Variants in FAP observed in about 807,000 individuals in gnomAD.
FAP encodes the protein fibroblast activation protein alpha.
In FAP, 110 loss-of-function variants were observed where a neutral mutation model predicts 126.5. That is an observed-to-expected ratio of 0.87 (90% confidence interval 0.74 to 1.02). The LOEUF (loss-of-function observed/expected upper bound fraction) is 1.02. Among genes scored for constraint, FAP ranks in the 50% least tolerant of loss-of-function variants. The pLI is 0.00. For missense variants in FAP, 919 were observed against 909.2 expected (o/e 1.01, Z -0.14); for synonymous variants, 334 against 297.3 (o/e 1.12, Z -1.27).
intron 25 of FAP, chr2:162,171,346 G>A (rs1156983321): frequency 6.7e-6 from 2 of 296,702 alleles, no homozygotes; most frequent in Non-Finnish European, 1.3e-5. Flanking sequence ...GGAAGATCAG[G>A]ATCAGGCATC....
At chr2:162,209,872 G>A in intron 12 of FAP, 80 bp downstream of exon 12, 1 of 1,243,316 alleles carries the variant, frequency 8.0e-7, no homozygotes, top group Non-Finnish European at 1.2e-6. Context: ...GCCAGTTTGG[G>A]TACATTGCAA....
chr2:162,225,514 T>C lies in FAP; in HGVS notation c.254A>G (p.Gln85Arg). 5.6e-6 allele frequency: 9 copies of C among 1,601,456 alleles called. No individual in the cohort carries two copies. The highest frequency in any genetic ancestry group is 7.7e-6 in the Non-Finnish European group (9 of 1,172,686). The change falls in exon 4 of 26, where the codon CAA (glutamine) becomes CGA (arginine). Residue 85 changes from glutamine to arginine, a missense_variant. Transcript: ENST00000188790. ...TCTATTACTCAAAATGGTATATGAT[T>C]GTCCTGTTTCAATATTATAAAGTAC... The part of the protein sequence containing the change: ...NIVLYNIETG[Q>R]SYTILSNRTM...
At chr2:162,220,713 C>T (rs369095195) in intron 6 of FAP, among the ~76,000 whole-genome samples, 3 of 152,224 alleles carry the variant, frequency 2.0e-5, no homozygotes, top group East Asian at 3.8e-4. Context: ...ACTCTGCAAG[C>T]ACTCAAGTGA....
rs758415457 is a variant in FAP at position 162,225,602 on chromosome 2, T to G, written c.191-25A>C. 8 of 1,565,700 alleles carry G rather than the reference T, an allele frequency of 5.1e-6. No homozygotes were observed. In the South Asian group the frequency reaches 9.4e-5, roughly 18 times the overall value. Reference sequence around the variant, plus strand: ...CCTTTAAACAAGAAAGAAAACAAAATGTAAATGATCTCTCTTAACATGAAA... The same window carrying G: ...CCTTTAAACAAGAAAGAAAACAAAAGGTAAATGATCTCTCTTAACATGAAA... On this transcript the variant is annotated intron_variant, in intron 3 of 25. Transcript: ENST00000188790.
chr2:162,186,424 G>C (rs1333525989), intron 20 of FAP, among the ~76,000 whole-genome samples: 1 of 151,988 alleles, frequency 6.6e-6, no homozygotes, highest in African/African-American at 2.4e-5. Flanking sequence ...TTTGTGTCCT[G>C]TATGTTGAAT....
chr2:162,236,249 C>T (rs181434655), intron 2 of FAP, among the ~76,000 whole-genome samples: 4 of 152,018 alleles, frequency 2.6e-5, no homozygotes, highest in African/African-American at 9.6e-5. Context: ...TAAGAGATAC[C>T]GATTTATAAT....
intron 17 of FAP, among the ~76,000 whole-genome samples, chr2:162,190,324 A>G (rs986627436): frequency 3.9e-5 from 6 of 151,988 alleles, no homozygotes; most frequent in African/African-American, 1.2e-4. Context: ...AATTAGTTGT[A>G]TGCTATTCTT....
At chr2:162,197,404 A>G (rs1160414366) in intron 16 of FAP, among the ~76,000 whole-genome samples, 1 of 152,212 alleles carries the variant, frequency 6.6e-6, no homozygotes, top group African/African-American at 2.4e-5. Flanking sequence ...GCATAAATAT[A>G]TAGCTTAGGT....
In FAP at chr2:162,224,398, T is replaced by A; in HGVS notation, c.360+68A>T. On this transcript the variant is annotated intron_variant, in intron 5 of 25. Transcript: ENST00000188790. ...AAGACAGACTCTTGCTTTCTCTCAC[T>A]TTTTTTAAACCACCTTGTGGATTAG... is the stretch of plus-strand genomic sequence containing the variant. The A allele has an allele frequency of 3.1e-6, 3 of 956,508 alleles. No homozygotes were observed. In the South Asian group the frequency reaches 4.4e-5, roughly 14 times the overall value. The allele number at this position is 956,508 out of a possible 1,614,324, so 59.3% of individuals were successfully genotyped here. A position where few individuals can be genotyped will look rare whatever the true frequency, so the allele number is the denominator to read the frequency against.
chr2:162,188,674 T>TA (rs934957856), intron 19 of FAP, among the ~76,000 whole-genome samples: 5 of 152,064 alleles, frequency 3.3e-5, no homozygotes, highest in South Asian at 2.1e-4. Flanking sequence ...TAAGATATAC[T>TA]AAAAAAAATG....
At chr2:162,221,197 C>T (rs1203470210) in intron 6 of FAP, among the ~76,000 whole-genome samples, 1 of 152,100 alleles carries the variant, frequency 6.6e-6, no homozygotes, top group African/African-American at 2.4e-5. Flanking sequence ...GAGCACCAGG[C>T]CCCTGGGTGA....
At chr2:162,204,856 C>T (rs1168865379) in intron 12 of FAP, among the ~76,000 whole-genome samples, 2 of 152,134 alleles carry the variant, frequency 1.3e-5, no homozygotes, top group Non-Finnish European at 2.9e-5. Context: ...AGGCCATTAA[C>T]CTGAGGCTGT....
intron 24 of FAP, 89 bp downstream of exon 24, chr2:162,173,060 G>T: frequency 7.9e-7 from 1 of 1,266,688 alleles, no homozygotes; most frequent in Non-Finnish European, 1.2e-6. Flanking sequence ...CTGACCCTGA[G>T]CATAGGCATA....
At chr2:162,192,746 C>T (rs915798735) in intron 17 of FAP, among the ~76,000 whole-genome samples, 1 of 152,106 alleles carries the variant, frequency 6.6e-6, no homozygotes, top group African/African-American at 2.4e-5. Context: ...TCATCATCCT[C>T]CCAAAACCTG....
At chr2:162,191,779 T>C (rs1688056051) in intron 17 of FAP, among the ~76,000 whole-genome samples, 1 of 152,132 alleles carries the variant, frequency 6.6e-6, no homozygotes, top group Non-Finnish European at 1.5e-5. Context: ...CAACTAAGCT[T>C]TAACTGGGCC....
At chr2:162,209,740 A>C (rs1688851158) in intron 12 of FAP, 4 of 535,212 alleles carry the variant, frequency 7.5e-6, no homozygotes, top group Non-Finnish European at 9.9e-6. Flanking sequence ...GGACATGAGG[A>C]GTATGAGTTA....
intron 12 of FAP, 179 bp downstream of exon 12, chr2:162,209,773 G>T: frequency 1.8e-6 from 1 of 566,484 alleles, no homozygotes; most frequent in Admixed American, 3.2e-5. Flanking sequence ...TTCTAAAAAG[G>T]ACATTGAAAT....
At chr2:162,225,358 A>T in intron 4 of FAP, 125 bp downstream of exon 4, 1 of 1,201,536 alleles carries the variant, frequency 8.3e-7, no homozygotes, top group South Asian at 1.4e-5. Context: ...GGAAGACTCT[A>T]GTGGAGTATG....
chr2:162,218,758 C>G (rs1437916967), intron 8 of FAP, among the ~76,000 whole-genome samples: 1 of 151,660 alleles, frequency 6.6e-6, no homozygotes, highest in Non-Finnish European at 1.5e-5. Flanking sequence ...AAAAAAATTT[C>G]TAAAGAAAAA....
Sources: allele counts gnomAD v4.1 joint callset (sites outside exome capture counted in the v4.1 genomes callset), GRCh38; gene constraint gnomAD v4.1.1; transcripts MANE v1.5; gene names NCBI Gene and HGNC (gene_info 2026-07-23, HGNC 2026-07-21).